WDR7: variants seen among roughly 807,000 people sequenced by gnomAD.
WDR7 encodes WD repeat-containing protein 7.
In WDR7, 46 loss-of-function variants were observed where a neutral mutation model predicts 169.4. The ratio of observed to expected loss-of-function variants is 0.27; its 90% CI spans 0.21 to 0.35. The LOEUF (loss-of-function observed/expected upper bound fraction) is 0.35. WDR7 is among the 10% of genes least tolerant of loss of function. WDR7 has a pLI of 1.00. For synonymous variants in WDR7, 612 were observed against 666.8 expected (o/e 0.92, Z 1.27); for missense variants, 1,534 against 1,859.3 (o/e 0.83, Z 3.22).
intron 20 of WDR7, among the ~76,000 whole-genome samples, chr18:56,824,809 T>C (rs2045167618): frequency 6.6e-6 from 1 of 152,202 alleles, no homozygotes; most frequent in Non-Finnish European, 1.5e-5. Context: ...TGGAAAATAA[T>C]ACGTGTTCAA....
intron 21 of WDR7, among the ~76,000 whole-genome samples, chr18:56,890,190 G>A (rs556128871): frequency 1.3e-5 from 2 of 152,262 alleles, no homozygotes; most frequent in South Asian, 2.1e-4. Flanking sequence ...GATTAGTTCA[G>A]CCACAACACT....
chr18:56,876,193 C>T (rs1467908876), intron 20 of WDR7, among the ~76,000 whole-genome samples: 1 of 151,868 alleles, frequency 6.6e-6, no homozygotes. Context: ...ATTCAGAGAG[C>T]CTTGCTGCTA....
chr18:56,971,285 A>G (rs2047481540), intron 26 of WDR7, among the ~76,000 whole-genome samples: 1 of 151,106 alleles, frequency 6.6e-6, no homozygotes, highest in Admixed American at 6.6e-5. Context: ...GTCTCCCAAA[A>G]AAAAAAAAAA....
At chr18:56,956,698 A>G (rs924074616) in intron 25 of WDR7, among the ~76,000 whole-genome samples, 1 of 152,114 alleles carries the variant, frequency 6.6e-6, no homozygotes, top group South Asian at 2.1e-4. Flanking sequence ...CCTGTGGTTT[A>G]TTGGGAATAC....
chr18:56,692,432 TTTTTTTTG>T (rs2025593844), intron 9 of WDR7, among the ~76,000 whole-genome samples: 2 of 28,366 alleles, frequency 7.1e-5, no homozygotes, highest in South Asian at 3.0e-3. Flanking sequence ...GAAAGCAGAG[TTTTTTTTG>T]TTTTTTTTTT....
At chr18:56,986,721 C>T (rs1038410305) in intron 26 of WDR7, among the ~76,000 whole-genome samples, 3 of 150,790 alleles carry the variant, frequency 2.0e-5, no homozygotes, top group Non-Finnish European at 4.4e-5. Context: ...AACCCAATGA[C>T]GGGGGAAAAT....
chr18:56,911,130 G>T (rs1383316137), intron 21 of WDR7, among the ~76,000 whole-genome samples: 1 of 152,086 alleles, frequency 6.6e-6, no homozygotes, highest in Admixed American at 6.6e-5. Flanking sequence ...GGAACTACTG[G>T]CGAGTTCCCA....
chr18:56,794,304 A>ATTTTGGTTTTTTTTTTTTTTTTT, intron 19 of WDR7, among the ~76,000 whole-genome samples: 1 of 49,466 alleles, frequency 2.0e-5, no homozygotes, highest in East Asian at 6.1e-4. Flanking sequence ...GGTAAAGTCT[A>ATTTTGGTTTTTTTTTTTTTTTTT]TTTTTTTTTT....
At chr18:56,715,544 G>A (rs1333094595) in intron 12 of WDR7, among the ~76,000 whole-genome samples, 1 of 152,054 alleles carries the variant, frequency 6.6e-6, no homozygotes, top group Non-Finnish European at 1.5e-5. Flanking sequence ...ATCAAAAGTA[G>A]GGTCAGTGGC....
At chr18:56,727,718 A>G (rs1471821728) in intron 13 of WDR7, among the ~76,000 whole-genome samples, 1 of 152,164 alleles carries the variant, frequency 6.6e-6, no homozygotes, top group African/African-American at 2.4e-5. Context: ...GGGCGAAACC[A>G]TATCAGCCTC....
chr18:56,863,684 G>A (rs527605259), intron 20 of WDR7, among the ~76,000 whole-genome samples: 99 of 151,694 alleles, frequency 6.5e-4, no homozygotes, highest in African/African-American at 2.3e-3. Context: ...CTTAACTTTG[G>A]ATATTAACCT....
chr18:56,799,840 A>T (rs1488119410), intron 19 of WDR7, among the ~76,000 whole-genome samples: 1 of 152,084 alleles, frequency 6.6e-6, no homozygotes, highest in African/African-American at 2.4e-5. Context: ...TTAAAGCATA[A>T]TTTTTTATTG....
chr18:56,924,108 A>G lies in WDR7; in HGVS notation c.3713A>G (p.Asn1238Ser). ...GCCGATGCCGAGAAACAACTTGCCA[A>G]GTATGTGTGGATTCCGGTTAATTTA... Reference protein sequence around the residue: ...LCADAEKQLANITMGLPLSPA... With the variant: ...LCADAEKQLASITMGLPLSPA... Residue 1238 changes from asparagine (N) to serine (S), a missense_variant and splice_region_variant, in exon 22 of 28, where the codon AAC (asparagine) becomes AGC (serine). Coordinates refer to ENST00000254442, the MANE Select transcript of WDR7 (RefSeq NM_015285.3). The G allele has an allele frequency of 6.2e-7, 1 of 1,611,966 alleles. No individual in the cohort carries two copies. Among genetic ancestry groups the G allele is most frequent in the Non-Finnish European group, 8.5e-7 (1 of 1,179,460 alleles).
chr18:56,815,076 A>ATTC (rs2044941630), intron 19 of WDR7, among the ~76,000 whole-genome samples: 2 of 152,124 alleles, frequency 1.3e-5, no homozygotes, highest in Non-Finnish European at 2.9e-5. Context: ...AATTTCACAT[A>ATTC]AATGTTTAAG....
At chr18:56,758,844 A>G in intron 15 of WDR7, 21 bp from the exon 16 acceptor site, 1 of 1,578,938 alleles carries the variant, frequency 6.3e-7, no homozygotes, top group Non-Finnish European at 8.6e-7. Context: ...TATATCTTGT[A>G]TTTTTTTCTT....
At chr18:56,663,526 A>G (rs984958885) in intron 1 of WDR7, among the ~76,000 whole-genome samples, 6 of 152,102 alleles carry the variant, frequency 3.9e-5, no homozygotes, top group African/African-American at 1.2e-4. Flanking sequence ...CATGGTATGT[A>G]TAAGTTACTT....
At chr18:56,743,242 G>A (rs373640835) in intron 14 of WDR7, among the ~76,000 whole-genome samples, 1 of 152,104 alleles carries the variant, frequency 6.6e-6, no homozygotes. Context: ...GGTTCTTATG[G>A]GACATCTATG....
chr18:56,921,508 AT>A (rs967190297), intron 21 of WDR7, among the ~76,000 whole-genome samples: 23 of 152,186 alleles, frequency 1.5e-4, no homozygotes, highest in African/African-American at 5.3e-4. Flanking sequence ...GTTGAGTGAA[AT>A]AGAACATGAT....
intron 22 of WDR7, among the ~76,000 whole-genome samples, chr18:56,929,703 A>T (rs1341053880): frequency 6.6e-6 from 1 of 152,220 alleles, no homozygotes; most frequent in East Asian, 1.9e-4. Flanking sequence ...TTTTTAAATA[A>T]TGGGGATGGA....
Sources: allele counts gnomAD v4.1 joint callset (sites outside exome capture counted in the v4.1 genomes callset), GRCh38; gene constraint gnomAD v4.1.1; transcripts MANE v1.5; gene names NCBI Gene and HGNC (gene_info 2026-07-23, HGNC 2026-07-21).